GRM7: variants seen among roughly 807,000 people sequenced by gnomAD.
GRM7 encodes the protein metabotropic glutamate receptor 7.
In GRM7, 35 loss-of-function variants were observed where a neutral mutation model predicts 84.5. The observed-to-expected ratio is 0.41, with a 90% CI of 0.32 to 0.55. GRM7 has a LOEUF of 0.55. GRM7 is among the 20% of genes least tolerant of loss of function. The probability of loss-of-function intolerance (pLI) is 0.19; values close to 1 mark genes in which losing one functional copy is unlikely to be tolerated. For synonymous variants in GRM7, 487 were observed against 455.1 expected (o/e 1.07, Z -0.89); for missense variants, 1,003 against 1,194.6 (o/e 0.84, Z 2.36).
intron 2 of GRM7, among the ~76,000 whole-genome samples, chr3:7,207,333 T>G (rs114939224): frequency 0.019 from 2,834 of 152,258 alleles, 53 homozygotes; most frequent in African/African-American, 0.047. Flanking sequence ...ATCAGGAGCT[T>G]GCAAAGTGGC....
chr3:7,483,531 C>G (rs1699211237), intron 7 of GRM7, among the ~76,000 whole-genome samples: 1 of 152,144 alleles, frequency 6.6e-6, no homozygotes, highest in African/African-American at 2.4e-5. Context: ...GAGGACAGGT[C>G]ACAAACTCAG....
chr3:7,446,952 G>C (rs1325869095), intron 5 of GRM7, among the ~76,000 whole-genome samples: 2 of 152,106 alleles, frequency 1.3e-5, no homozygotes, highest in Admixed American at 6.6e-5. Context: ...GAAATTCTGA[G>C]AGTGAAAGAA....
At chr3:7,558,381 A>C (rs572820704) in intron 7 of GRM7, among the ~76,000 whole-genome samples, 1 of 151,242 alleles carries the variant, frequency 6.6e-6, no homozygotes, top group South Asian at 2.1e-4. Flanking sequence ...CTAAGTTTTT[A>C]GTTCTGAAGA....
intron 8 of GRM7, among the ~76,000 whole-genome samples, chr3:7,633,810 G>C (rs1414073643): frequency 6.6e-6 from 1 of 152,110 alleles, no homozygotes; most frequent in African/African-American, 2.4e-5. Context: ...CGTTCAAGCT[G>C]ATCTTTTAAT....
intron 1 of GRM7, among the ~76,000 whole-genome samples, chr3:7,079,379 A>G (rs1168678256): frequency 6.6e-6 from 1 of 152,178 alleles, no homozygotes; most frequent in Non-Finnish European, 1.5e-5. Flanking sequence ...TGTGCTCTTT[A>G]GAAGAATGAT....
intron 7 of GRM7, among the ~76,000 whole-genome samples, chr3:7,534,012 C>CTTTT (rs3034006): frequency 9.0e-6 from 1 of 111,620 alleles, no homozygotes; most frequent in Non-Finnish European, 1.9e-5. Context: ...GGGCTGAATA[C>CTTTT]TTTTTTTTTT....
At chr3:7,103,749 C>CCTTTCTTTCTTTCTTTCCCTTT (rs1699188648) in intron 1 of GRM7, among the ~76,000 whole-genome samples, 8 of 96,662 alleles carry the variant, frequency 8.3e-5, no homozygotes, top group Non-Finnish European at 1.2e-4. Context: ...TCTCTCTCTC[C>CCTTTCTTTCTTTCTTTCCCTTT]CTTTCTTTCT....
At position 7,694,455 on chromosome 3, in the gene GRM7, G is replaced by A. The variant is rs1700939184; in HGVS notation, c.2698+14160G>A. The A allele has an allele frequency of 5.8e-6, 5 of 859,736 alleles. No individual in the cohort carries two copies. In the South Asian group the frequency reaches 2.7e-4, roughly 46 times the overall value. 53.3% of individuals were successfully genotyped at this position (859,736 alleles called of 1,614,324 possible). ...ACCACACATAATAAAGTTTAAGAAT[G>A]TCAAGCAATCCATCTGCATCTAATT... On this transcript the variant is annotated intron_variant, in intron 9 of 9. Coordinates refer to ENST00000357716, the MANE Select transcript of GRM7 (RefSeq NM_000844.4).
chr3:7,433,986 A>G (rs990565345), intron 5 of GRM7, among the ~76,000 whole-genome samples: 3 of 142,350 alleles, frequency 2.1e-5, no homozygotes, highest in African/African-American at 8.0e-5. Context: ...CTCTCTGTTT[A>G]TTTAAATCTT....
chr3:7,622,317 G>A (rs891121330), intron 8 of GRM7, among the ~76,000 whole-genome samples: 1 of 152,094 alleles, frequency 6.6e-6, no homozygotes, highest in Non-Finnish European at 1.5e-5. Flanking sequence ...TCTATGTTGT[G>A]ATGCCTTTTC....
chr3:7,432,285 CATAAT>C (rs1358284442), intron 5 of GRM7, among the ~76,000 whole-genome samples: 1 of 152,124 alleles, frequency 6.6e-6, no homozygotes, highest in African/African-American at 2.4e-5. Context: ...TGTAAACAAA[CATAAT>C]ATATGTAAGT....
intron 4 of GRM7, among the ~76,000 whole-genome samples, chr3:7,338,366 G>C (rs1701506985): frequency 6.6e-6 from 1 of 152,024 alleles, no homozygotes; most frequent in Non-Finnish European, 1.5e-5. Context: ...AGGGTAGTGA[G>C]TGGTAAAGAC....
chr3:7,470,083 CTA>C (rs922660040), intron 7 of GRM7, among the ~76,000 whole-genome samples: 1 of 152,200 alleles, frequency 6.6e-6, no homozygotes, highest in Non-Finnish European at 1.5e-5. Context: ...TGTGCGCTCT[CTA>C]TGTTACAACA....
intron 8 of GRM7, among the ~76,000 whole-genome samples, chr3:7,661,576 C>T (rs1024567023): frequency 1.3e-5 from 2 of 151,908 alleles, no homozygotes; most frequent in Non-Finnish European, 1.5e-5. Context: ...AGGCAGATCA[C>T]GAGGTCAGGA....
intron 9 of GRM7, among the ~76,000 whole-genome samples, chr3:7,698,514 T>G (rs941940913): frequency 3.9e-5 from 6 of 152,194 alleles, no homozygotes; most frequent in Non-Finnish European, 8.8e-5. Flanking sequence ...CCCAGGCCAT[T>G]TGGGCCCAGA....
intron 4 of GRM7, among the ~76,000 whole-genome samples, chr3:7,327,486 A>C (rs2125061633): frequency 6.6e-6 from 1 of 152,294 alleles, no homozygotes; most frequent in Non-Finnish European, 1.5e-5. Context: ...ATTGATTCTA[A>C]ACTCCAGTTA....
At chr3:7,312,596 G>C (rs2125043184) in intron 4 of GRM7, among the ~76,000 whole-genome samples, 1 of 152,178 alleles carries the variant, frequency 6.6e-6, no homozygotes, top group Non-Finnish European at 1.5e-5. Flanking sequence ...CATTCTCTTG[G>C]CCTTTTTGAT....
At chr3:7,508,176 T>C (rs955742474) in intron 7 of GRM7, among the ~76,000 whole-genome samples, 12 of 152,268 alleles carry the variant, frequency 7.9e-5, no homozygotes, top group Admixed American at 7.9e-4. Flanking sequence ...GTAATAGCTG[T>C]AGTGAACCTA....
chr3:7,270,062 C>T (rs1698796385), intron 2 of GRM7, among the ~76,000 whole-genome samples: 1 of 152,208 alleles, frequency 6.6e-6, no homozygotes, highest in Admixed American at 6.5e-5. Flanking sequence ...GTTTCTGACT[C>T]AGTAGATGTT....
Sources: allele counts gnomAD v4.1 joint callset (sites outside exome capture counted in the v4.1 genomes callset), GRCh38; gene constraint gnomAD v4.1.1; transcripts MANE v1.5; gene names NCBI Gene and HGNC (gene_info 2026-07-23, HGNC 2026-07-21).